Variants in TMEM185A observed in about 807,000 individuals in gnomAD.
TMEM185A encodes the protein family with sequence similarity 11, member A.
Under a neutral mutation model 25.0 loss-of-function variants are expected in TMEM185A, and 9 were observed. That is an observed-to-expected ratio of 0.36 (90% CI 0.22 to 0.63). TMEM185A has a LOEUF of 0.63. TMEM185A is among the 20% of genes least tolerant of loss of function. The pLI is 0.68. For missense variants in TMEM185A, 103 were observed against 237.4 expected (o/e 0.43, Z 3.72); for synonymous variants, 45 against 93.5 (o/e 0.48, Z 2.99).
intron 4 of TMEM185A, chrX:149,601,510 G>A (rs1216102990): frequency 2.0e-5 from 2 of 97,688 alleles, no homozygotes; most frequent in African/African-American, 4.8e-5. Context: ...AGATGGCATC[G>A]CGAGACAAGT....
intron 1 of TMEM185A, among the ~76,000 whole-genome samples, chrX:149,614,882 G>C (rs151211270): frequency 2.8e-3 from 311 of 112,177 alleles, no homozygotes; most frequent in African/African-American, 9.7e-3. Context: ...GAAAGAAAAT[G>C]TCAGGCCATG....
At chrX:149,631,186 G>A (rs934459797) in intron 1 of TMEM185A, among the ~76,000 whole-genome samples, 1 of 110,053 alleles carries the variant, frequency 9.1e-6, no homozygotes, top group Non-Finnish European at 1.9e-5. Context: ...GCGGAGAATG[G>A]AGGGCCCGCA....
At chrX:149,626,773 A>G (rs2090165173) in intron 1 of TMEM185A, among the ~76,000 whole-genome samples, 1 of 112,031 alleles carries the variant, frequency 8.9e-6, no homozygotes, top group African/African-American at 3.2e-5. Flanking sequence ...GGGAAACGTG[A>G]GCAAAGGAAT....
At chrX:149,601,366 G>C (rs1311571839) in intron 4 of TMEM185A, 1 of 98,306 alleles carries the variant, frequency 1.0e-5, no homozygotes, top group Middle Eastern at 4.7e-3. Context: ...GCCGTTGGCA[G>C]GATGCAGAAG....
chrX:149,631,492 C>CGCCCGA, intron 1 of TMEM185A, 51 bp downstream of exon 1: 1 of 1,133,584 alleles, frequency 8.8e-7, no homozygotes. Flanking sequence ...CACCAGCCCG[C>CGCCCGA]GCCCGAGCCC....
intron 1 of TMEM185A, among the ~76,000 whole-genome samples, chrX:149,616,034 CTT>C (rs1365889992): frequency 4.5e-5 from 5 of 111,766 alleles, no homozygotes; most frequent in African/African-American, 1.6e-4. Flanking sequence ...TCTCTGGTCT[CTT>C]TTTATAAGGG....
At chrX:149,621,124 G>A (rs2090137818) in intron 1 of TMEM185A, among the ~76,000 whole-genome samples, 1 of 111,372 alleles carries the variant, frequency 9.0e-6, no homozygotes, top group Non-Finnish European at 1.9e-5. Flanking sequence ...CAAATGCTAA[G>A]ATAATGACGA....
chrX:149,611,375 C>A lies in TMEM185A; in HGVS notation c.127G>T (p.Val43Phe). Reference protein sequence around the residue: ...DGIIQWSYWAVFAPIWLWKLM... With the variant: ...DGIIQWSYWAFFAPIWLWKLM... ...TTCCACAGCCATATTGGAGCAAAGA[C>A]AGCCCAGTAACTCCACTGTATGATG... Residue 43 changes from valine (V) to phenylalanine (F), a missense_variant, in exon 2 of 7, where the codon GTC becomes TTC. Coordinates refer to ENST00000600449, the MANE Select transcript of TMEM185A (RefSeq NM_032508.4). The A allele has an allele frequency of 8.3e-7, 1 of 1,211,539 alleles. No homozygotes were observed. The highest frequency in any genetic ancestry group is 1.1e-6 in the Non-Finnish European group (1 of 895,302).
At chrX:149,604,866 CCCT>C (rs1271881187) in intron 3 of TMEM185A, among the ~76,000 whole-genome samples, 2 of 101,534 alleles carry the variant, frequency 2.0e-5, no homozygotes, top group Non-Finnish European at 3.9e-5. Flanking sequence ...CTTTTTGCTC[CCCT>C]CCTCCTGGCC....
In TMEM185A at chrX:149,624,473, G is replaced by C. The variant is rs2090153946; in HGVS notation, c.38+7070C>G. ...TAAGAATGCAGCTGGACTCTTTTTA[G>C]ACCTATCAGTTTTTTTCCAGTGGAA... is the stretch of plus-strand genomic sequence containing the variant. On this transcript the variant is annotated intron_variant, in intron 1 of 6. Coordinates refer to ENST00000600449, the MANE Select transcript of TMEM185A (RefSeq NM_032508.4). Among the ~76,000 whole-genome samples the C allele has an allele frequency of 2.7e-5, 3 of 112,015 alleles. No homozygotes were observed. In the South Asian group the frequency reaches 1.1e-3, roughly 41 times the overall value.
At chrX:149,608,940 G>A in intron 2 of TMEM185A, 106 bp from the exon 3 acceptor site, 1 of 746,319 alleles carries the variant, frequency 1.3e-6, no homozygotes, top group Non-Finnish European at 1.9e-6. Flanking sequence ...AATTTTACTT[G>A]AAAATTTGAC....
chrX:149,620,400 A>T (rs929459674), intron 1 of TMEM185A, among the ~76,000 whole-genome samples: 2 of 112,283 alleles, frequency 1.8e-5, no homozygotes, highest in Admixed American at 1.9e-4. Context: ...CCATTTCATC[A>T]CATGGAATAT....
intron 1 of TMEM185A, among the ~76,000 whole-genome samples, chrX:149,626,824 A>T (rs186956938): frequency 2.1e-4 from 24 of 112,325 alleles, no homozygotes; most frequent in Admixed American, 2.1e-3. Context: ...CTGTGCCTGG[A>T]TGTGCACGCA....
At chrX:149,603,580 T>C (rs1428547380) in intron 4 of TMEM185A, 1 of 118,913 alleles carries the variant, frequency 8.4e-6, no homozygotes, top group Non-Finnish European at 1.7e-5. Context: ...TGCATAAACA[T>C]ATATACTGCA....
chrX:149,622,646 T>A (rs1351608039), intron 1 of TMEM185A, among the ~76,000 whole-genome samples: 1 of 111,725 alleles, frequency 9.0e-6, no homozygotes, highest in Non-Finnish European at 1.9e-5. Context: ...AATATTTGAG[T>A]GCCTGAAATG....
At chrX:149,623,700 ATAAAAC>A (rs1178516313) in intron 1 of TMEM185A, among the ~76,000 whole-genome samples, 1 of 111,883 alleles carries the variant, frequency 8.9e-6, no homozygotes, top group Non-Finnish European at 1.9e-5. Flanking sequence ...CATGAAAATA[ATAAAAC>A]TAAAAGTAGA....
At chrX:149,614,082 C>A (rs2090098527) in intron 1 of TMEM185A, among the ~76,000 whole-genome samples, 1 of 111,295 alleles carries the variant, frequency 9.0e-6, no homozygotes, top group Admixed American at 9.5e-5. Context: ...CCAACTTGAC[C>A]TAATTAATAT....
At chrX:149,629,300 G>A (rs1409778184) in intron 1 of TMEM185A, among the ~76,000 whole-genome samples, 5 of 111,354 alleles carry the variant, frequency 4.5e-5, no homozygotes, top group Non-Finnish European at 7.5e-5. Context: ...AAAAATAGAG[G>A]CAGGGAGCAA....
chrX:149,616,376 A>C (rs1296047126), intron 1 of TMEM185A, among the ~76,000 whole-genome samples: 1 of 111,884 alleles, frequency 8.9e-6, no homozygotes, highest in African/African-American at 3.3e-5. Flanking sequence ...CTGGGCTAAA[A>C]CCAAGATGTC....
Sources: allele counts gnomAD v4.1 joint callset (sites outside exome capture counted in the v4.1 genomes callset), GRCh38; gene constraint gnomAD v4.1.1; transcripts MANE v1.5; gene names NCBI Gene and HGNC (gene_info 2026-07-23, HGNC 2026-07-21).